Variants in ATG10 observed in about 807,000 individuals in gnomAD.
The protein encoded by ATG10 is ubiquitin-like-conjugating enzyme ATG10.
Under a neutral mutation model 32.1 loss-of-function variants are expected in ATG10, and 30 were observed. The observed-to-expected ratio is 0.94, with a 90% CI of 0.70 to 1.27. ATG10 has a LOEUF of 1.27. ATG10 is among the 50% of genes most tolerant of loss of function. The probability of loss-of-function intolerance (pLI) is 0.00; values close to 1 mark genes in which losing one functional copy is unlikely to be tolerated. For synonymous variants in ATG10, 87 were observed against 91.5 expected, an observed-to-expected ratio of 0.95 and a Z score of 0.28; for missense variants, 233 against 262.3, an observed-to-expected ratio of 0.89 and a Z score of 0.77.
chr5:82,227,049 C>A (rs536168680), intron 5 of ATG10, among the ~76,000 whole-genome samples: 11 of 152,098 alleles, frequency 7.2e-5, no homozygotes, highest in East Asian at 1.9e-4. Flanking sequence ...AGTATGTGTA[C>A]CCTTGGCGGT....
chr5:82,205,393 T>A (rs1046812982), intron 5 of ATG10, among the ~76,000 whole-genome samples: 4 of 152,178 alleles, frequency 2.6e-5, no homozygotes, highest in Admixed American at 6.5e-5. Context: ...TGTTTGTTTT[T>A]AAGATGAGAA....
chr5:82,118,113 A>G (rs1765880198), intron 3 of ATG10, among the ~76,000 whole-genome samples: 1 of 151,866 alleles, frequency 6.6e-6, no homozygotes, highest in African/African-American at 2.4e-5. Flanking sequence ...AGCTAATTGG[A>G]AATTGATGGT....
Position 82,218,542 on chromosome 5 carries a change from C to T in ATG10, c.454-34020C>T, listed in dbSNP as rs138198604. ...GGGATATGTCATTTTCCTTCATCTC[C>T]ATTTACTAGCCAGATCTGGGGCTAT... is the stretch of plus-strand genomic sequence containing the variant. On this transcript the variant is annotated intron_variant, in intron 5 of 7. Coordinates refer to ENST00000282185, the MANE Select transcript of ATG10 (RefSeq NM_031482.5). Among the ~76,000 whole-genome samples, 280 of 152,186 alleles carry T rather than the reference C, an allele frequency of 1.8e-3. 2 individuals are homozygous for T. The highest frequency in any genetic ancestry group is 8.3e-3 in the South Asian group (40 of 4,816).
intron 2 of ATG10, among the ~76,000 whole-genome samples, chr5:82,056,448 T>G (rs1275342511): frequency 6.6e-6 from 1 of 151,662 alleles, no homozygotes; most frequent in Non-Finnish European, 1.5e-5. Flanking sequence ...TTTTTTTTTT[T>G]TGTGGTCTGT....
Position 82,139,742 on chromosome 5 carries a change from G to A in ATG10, c.217-24657G>A, listed in dbSNP as rs1280301270. On this transcript the variant is annotated intron_variant, in intron 3 of 7. Coordinates refer to ENST00000282185, the MANE Select transcript of ATG10 (RefSeq NM_031482.5). ...GGGTCAGCCCCCTGCCCGGCCAGCC[G>A]CCCCGTCCGGGAGGCGAGGGGCGCC... Among the ~76,000 whole-genome samples, 29 of 124,362 alleles carry A rather than the reference G, an allele frequency of 2.3e-4. 1 individual carries two copies. The highest frequency in any genetic ancestry group is 3.2e-4 in the Non-Finnish European group (19 of 58,814). 81.6% of individuals were successfully genotyped at this position (124,362 alleles called of 152,430 possible). A position where few individuals can be genotyped will look rare whatever the true frequency, so the allele number is the denominator to read the frequency against.
At chr5:82,215,331 C>A (rs1745634916) in intron 5 of ATG10, among the ~76,000 whole-genome samples, 1 of 152,158 alleles carries the variant, frequency 6.6e-6, no homozygotes, top group African/African-American at 2.4e-5. Context: ...GTAGACATAA[C>A]AACCTTTTGT....
chr5:82,049,704 A>G (rs1360831819), intron 2 of ATG10, among the ~76,000 whole-genome samples: 1 of 152,204 alleles, frequency 6.6e-6, no homozygotes, highest in Non-Finnish European at 1.5e-5. Flanking sequence ...TTAGGTAGTA[A>G]CCTAAGAAAG....
intron 2 of ATG10, among the ~76,000 whole-genome samples, chr5:82,002,761 T>TA (rs1761885309): frequency 6.6e-6 from 1 of 151,910 alleles, no homozygotes; most frequent in African/African-American, 2.4e-5. Flanking sequence ...TTTACTTATA[T>TA]AAAAAAACCT....
chr5:82,190,029 C>T lies in ATG10; in HGVS notation c.453+11442C>T, dbSNP rs114387339. On this transcript the variant is annotated intron_variant, in intron 5 of 7. Coordinates refer to ENST00000282185, the MANE Select transcript of ATG10 (RefSeq NM_031482.5). Reference sequence around the variant, plus strand: ...CTGTCTATTTCACTTATTTACTTTGCCTGCCTGTCTTCAAAAAGCATTTGA... The same window carrying T: ...CTGTCTATTTCACTTATTTACTTTGTCTGCCTGTCTTCAAAAAGCATTTGA... Among the ~76,000 whole-genome samples the T allele has an allele frequency of 5.6e-3, 848 of 152,262 alleles. 7 individuals carry two copies. The highest frequency in any genetic ancestry group is 0.02 in the African/African-American group (811 of 41,562).
rs573168352 is a variant in ATG10 at position 82,038,015 on chromosome 5, C to T, written c.109-20480C>T. Among the ~76,000 whole-genome samples the T allele has an allele frequency of 2.6e-5, 4 of 152,020 alleles. No individual in the cohort carries two copies. In the South Asian group the frequency reaches 8.3e-4, roughly 32 times the overall value. On this transcript the variant is annotated intron_variant, in intron 2 of 7. Coordinates refer to ENST00000282185, the MANE Select transcript of ATG10 (RefSeq NM_031482.5). ...TATTTAGTAAGATTGCTTTTGATTGCCAAAGCAATAGATTCTGGCTAACCT... is the reference window on the plus strand; with the variant it reads ...TATTTAGTAAGATTGCTTTTGATTGTCAAAGCAATAGATTCTGGCTAACCT...
chr5:81,983,870 G>A lies in ATG10; in HGVS notation c.-12-3689G>A, dbSNP rs573783488. Reference sequence around the variant, plus strand: ...CGCTCCTCACATCCCAGACGGGGCAGCGGGGCAGAGGCGCTCCCCACATCT... The same window carrying A: ...CGCTCCTCACATCCCAGACGGGGCAACGGGGCAGAGGCGCTCCCCACATCT... On this transcript the variant is annotated intron_variant, in intron 1 of 7. Transcript: ENST00000282185. Among the ~76,000 whole-genome samples, 10 of 151,890 alleles carry A rather than the reference G, an allele frequency of 6.6e-5. No homozygotes were observed. In the East Asian group the frequency reaches 1.8e-3, roughly 27 times the overall value.
intron 3 of ATG10, among the ~76,000 whole-genome samples, chr5:82,071,223 A>T (rs554731738): frequency 6.6e-6 from 1 of 152,236 alleles, no homozygotes; most frequent in South Asian, 2.1e-4. Flanking sequence ...ATGAATATAG[A>T]GCTGATCGTA....
chr5:82,055,437 T>C (rs1164603012), intron 2 of ATG10, among the ~76,000 whole-genome samples: 1 of 152,160 alleles, frequency 6.6e-6, no homozygotes, highest in Non-Finnish European at 1.5e-5. Flanking sequence ...TTTTATAACA[T>C]AGGTGCACAC....
At chr5:82,167,600 C>T (rs1414780245) in intron 4 of ATG10, among the ~76,000 whole-genome samples, 1 of 152,178 alleles carries the variant, frequency 6.6e-6, no homozygotes, top group Non-Finnish European at 1.5e-5. Flanking sequence ...TATCTTTACT[C>T]TTTAGTCTGA....
chr5:82,156,789 A>G (rs530690740), intron 3 of ATG10, among the ~76,000 whole-genome samples: 98 of 152,306 alleles, frequency 6.4e-4, no homozygotes, highest in South Asian at 1.9e-3. Flanking sequence ...TTATTCTGCT[A>G]ATTCTTTTAC....
rs752519756 is a variant in ATG10 at position 81,987,641 on chromosome 5, A to C, written c.71A>C (p.Gln24Pro). Residue 24 changes from glutamine to proline, a missense_variant, in exon 2 of 8, where the codon CAA (glutamine) becomes CCA (proline). Physicochemically the swap from Gln to Pro is moderately conservative, Grantham distance 76 (BLOSUM62 -1). Transcript: ENST00000282185. ...TGTGCAGAATTCATTAAACATTCAC[A>C]ACAGATAGGTGATAGTTGGGAATGG... is the stretch of plus-strand genomic sequence containing the variant. ...RYCAEFIKHS[Q>P]QIGDSWEWRP... The C allele has an allele frequency of 4.3e-6, 7 of 1,612,806 alleles. No individual in the cohort carries two copies. The highest frequency in any genetic ancestry group is 5.9e-6 in the Non-Finnish European group (7 of 1,179,576).
intron 3 of ATG10, among the ~76,000 whole-genome samples, chr5:82,141,996 C>T (rs115966710): frequency 2.7e-3 from 407 of 152,306 alleles, no homozygotes; most frequent in Non-Finnish European, 4.0e-3. Flanking sequence ...AAGTTATTTT[C>T]ATTTTAATGC....
intron 2 of ATG10, among the ~76,000 whole-genome samples, chr5:82,001,412 A>G (rs1270078309): frequency 6.6e-6 from 1 of 152,228 alleles, no homozygotes; most frequent in African/African-American, 2.4e-5. Flanking sequence ...CTATGAGGCT[A>G]CAGTAACCAA....
At chr5:82,064,675 T>C (rs1763885079) in intron 3 of ATG10, among the ~76,000 whole-genome samples, 1 of 152,156 alleles carries the variant, frequency 6.6e-6, no homozygotes, top group Admixed American at 6.5e-5. Context: ...CTAGTTGCTT[T>C]ATTATCTTAT....
Sources: allele counts gnomAD v4.1 joint callset (sites outside exome capture counted in the v4.1 genomes callset), GRCh38; gene constraint gnomAD v4.1.1; transcripts MANE v1.5; gene names NCBI Gene and HGNC (gene_info 2026-07-23, HGNC 2026-07-21).